DNAL1: variants seen among roughly 807,000 people sequenced by gnomAD.
DNAL1 encodes the protein dynein axonemal light chain 1.
Under a neutral mutation model 29.4 loss-of-function variants are expected in DNAL1, and 17 were observed. The observed-to-expected ratio is 0.58, with a 90% CI of 0.40 to 0.87. DNAL1 has a LOEUF of 0.87. DNAL1 is among the 40% of genes least tolerant of loss of function. The pLI is 0.00. For missense variants in DNAL1, 188 were observed against 214.1 expected (o/e 0.88, Z 0.76); for synonymous variants, 78 against 76.3 (o/e 1.02, Z -0.12).
At chr14:73,686,612 G>A (rs1354801740) in intron 5 of DNAL1, among the ~76,000 whole-genome samples, 1 of 152,158 alleles carries the variant, frequency 6.6e-6, no homozygotes, top group Admixed American at 6.6e-5. Context: ...AGGCTGAGGT[G>A]AGAGGATTGC....
At chr14:73,677,353 A>G (rs186448889) in intron 5 of DNAL1, among the ~76,000 whole-genome samples, 2,757 of 149,334 alleles carry the variant, frequency 0.018, 50 homozygotes, top group Non-Finnish European at 0.024. Flanking sequence ...TTTTTTTTTT[A>G]GAGGCAGGGT....
In DNAL1 at chr14:73,662,161, A is replaced by G. The variant is rs188432190; in HGVS notation, c.208+119A>G. 1.0e-5 allele frequency: 8 copies of G among 783,132 alleles called. No individual in the cohort carries two copies. In the East Asian group the frequency reaches 2.2e-4, roughly 22 times the overall value. 48.5% of individuals were successfully genotyped at this position (783,132 alleles called of 1,614,324 possible). On this transcript the variant is annotated intron_variant, in intron 4 of 7. Transcript: ENST00000553645. Reference sequence around the variant, plus strand: ...GTTTTAGCCATACTTGTTGTCAGATAATAGAATACATAAACTATGTCTTAA... The same window carrying G: ...GTTTTAGCCATACTTGTTGTCAGATGATAGAATACATAAACTATGTCTTAA...
At chr14:73,669,175 T>A (rs1891556902) in intron 4 of DNAL1, among the ~76,000 whole-genome samples, 1 of 152,164 alleles carries the variant, frequency 6.6e-6, no homozygotes, top group African/African-American at 2.4e-5. Context: ...GGTCTCACTC[T>A]GTTACCCAGG....
chr14:73,673,608 A>G (rs1891663455), intron 5 of DNAL1, among the ~76,000 whole-genome samples: 1 of 152,236 alleles, frequency 6.6e-6, no homozygotes. Context: ...AAAGAAAAAC[A>G]AAGCTATGGC....
intron 1 of DNAL1, 22 bp from the exon 2 acceptor site, chr14:73,654,825 T>G: frequency 6.6e-7 from 1 of 1,510,262 alleles, no homozygotes; most frequent in Non-Finnish European, 8.8e-7. Flanking sequence ...TTTTCTTTTC[T>G]TTCTTTTTTT....
intron 7 of DNAL1, among the ~76,000 whole-genome samples, chr14:73,689,870 T>A (rs997933684): frequency 2.6e-5 from 4 of 151,808 alleles, no homozygotes; most frequent in Non-Finnish European, 5.9e-5. Context: ...ACCCCATCTC[T>A]ACTAAAAATA....
rs1247787112 is a variant in DNAL1 at position 73,701,795 on chromosome 14, A to C, written c.*5853A>C. On this transcript the variant is annotated 3_prime_UTR_variant, in exon 8 of 8. Coordinates refer to ENST00000553645, the MANE Select transcript of DNAL1 (RefSeq NM_031427.4). The stretch of plus-strand genomic sequence containing the variant: ...TCTGAAGAACATTTTAACATCTATG[A>C]ATACCTTGGTAATAATCTTTTATAC... The C allele has an allele frequency of 6.6e-6, 1 of 152,202 alleles. No individual in the cohort carries two copies. Among genetic ancestry groups the C allele is most frequent in the Non-Finnish European group, 1.5e-5 (1 of 68,038 alleles). The allele number at this position is 152,202 out of a possible 1,614,324, so 9.4% of individuals were successfully genotyped here.
rs185905398 is a variant in DNAL1, at chr14:73,689,254, G to A, written c.392-121G>A. On this transcript the variant is annotated intron_variant, in intron 6 of 7. Coordinates refer to ENST00000553645, the MANE Select transcript of DNAL1 (RefSeq NM_031427.4). ...TCACTGTGTTAGCCAGGATGGTCTC[G>A]ATCTCCTGATGTCGTGATCCGCCCG... 8,500 of 1,143,050 alleles carry A rather than the reference G, an allele frequency of 7.4e-3. 37 individuals carry two copies. Among genetic ancestry groups the A allele is most frequent in the South Asian group, 0.01 (662 of 65,784 alleles). The allele number at this position is 1,143,050 out of a possible 1,614,324, so 70.8% of individuals were successfully genotyped here.
At chr14:73,658,798 T>G (rs1408766410) in intron 2 of DNAL1, 49 bp from the exon 3 acceptor site, 7 of 1,438,812 alleles carry the variant, frequency 4.9e-6, no homozygotes, top group Non-Finnish European at 3.8e-6. Flanking sequence ...CTCTTTTGTT[T>G]CCACATTGCA....
intron 2 of DNAL1, 52 bp from the exon 3 acceptor site, chr14:73,658,795 G>A: frequency 7.0e-7 from 1 of 1,419,130 alleles, no homozygotes; most frequent in Middle Eastern, 1.8e-4. Context: ...GGCCTCTTTT[G>A]TTTCCACATT....
At chr14:73,684,316 G>A (rs558219341) in intron 5 of DNAL1, among the ~76,000 whole-genome samples, 4 of 152,238 alleles carry the variant, frequency 2.6e-5, no homozygotes, top group South Asian at 4.2e-4. Flanking sequence ...TATATACCCT[G>A]TAGTGAGATT....
intron 7 of DNAL1, among the ~76,000 whole-genome samples, chr14:73,693,666 A>C (rs1248650421): frequency 2.0e-5 from 3 of 152,014 alleles, no homozygotes; most frequent in Non-Finnish European, 2.9e-5. Flanking sequence ...AGCTGTGATC[A>C]CACCCCTGCA....
intron 4 of DNAL1, among the ~76,000 whole-genome samples, chr14:73,667,575 T>A (rs1891516834): frequency 6.6e-6 from 1 of 152,112 alleles, no homozygotes. Flanking sequence ...CTCGGCTCAC[T>A]GCAACCTCTA....
At chr14:73,662,131 C>T in intron 4 of DNAL1, 89 bp downstream of exon 4, 1 of 1,161,990 alleles carries the variant, frequency 8.6e-7, no homozygotes, top group Non-Finnish European at 1.2e-6. Context: ...CAGAAGCTGG[C>T]ACCTGTTTTA....
At chr14:73,683,544 A>G (rs1430366170) in intron 5 of DNAL1, among the ~76,000 whole-genome samples, 1 of 152,010 alleles carries the variant, frequency 6.6e-6, no homozygotes, top group Non-Finnish European at 1.5e-5. Context: ...GTGCAATAGA[A>G]CACCAGAGCT....
At chr14:73,662,369 A>G (rs570131476) in intron 4 of DNAL1, among the ~76,000 whole-genome samples, 2 of 152,134 alleles carry the variant, frequency 1.3e-5, no homozygotes, top group African/African-American at 4.8e-5. Flanking sequence ...ATTTTAATTC[A>G]TCATCCCTGT....
intron 1 of DNAL1, among the ~76,000 whole-genome samples, chr14:73,652,625 T>C (rs1262289047): frequency 2.0e-5 from 3 of 152,128 alleles, no homozygotes; most frequent in Non-Finnish European, 4.4e-5. Flanking sequence ...CAATCAGGCT[T>C]GCCAGGGATT....
chr14:73,677,217 G>T (rs1016844694), intron 5 of DNAL1, among the ~76,000 whole-genome samples: 1 of 151,836 alleles, frequency 6.6e-6, no homozygotes, highest in African/African-American at 2.4e-5. Context: ...TGATCTGCCC[G>T]CCTCGGCCTC....
rs189983605 is a variant in DNAL1, at chr14:73,693,949, C to T, written c.533-1953C>T. 1.2e-3 allele frequency among the ~76,000 whole-genome samples: 181 copies of T among 152,052 alleles called. 2 individuals are homozygous for T. The highest frequency in any genetic ancestry group is 6.6e-3 in the Admixed American group (101 of 15,236). On this transcript the variant is annotated intron_variant, in intron 7 of 7. Transcript: ENST00000553645. ...CGCGTCAACAAAAAGTTCACTTGTC[C>T]CACAAACAAATGCTCAGGAGTGTAC... is the stretch of plus-strand genomic sequence containing the variant.
Sources: gnomAD v4.1 joint callset for allele counts (sites outside exome capture counted in the v4.1 genomes callset) on GRCh38, gnomAD v4.1.1 for gene constraint, MANE v1.5 for transcripts, NCBI Gene and HGNC (gene_info 2026-07-23, HGNC 2026-07-21) for gene names.